SCARA5: variants seen among roughly 807,000 people sequenced by gnomAD.
SCARA5 encodes scavenger receptor class A, member 5 (putative).
Under a neutral mutation model 46.3 loss-of-function variants are expected in SCARA5, and 45 were observed. That is an observed-to-expected ratio of 0.97 (90% CI 0.76 to 1.24). The LOEUF is 1.24. Ranked by LOEUF, SCARA5 falls within the 50% of genes most tolerant of loss-of-function variation. SCARA5 has a pLI of 0.00. For synonymous variants in SCARA5, 333 were observed against 306.5 expected, an observed-to-expected ratio of 1.09 and a Z score of -0.90; for missense variants, 680 against 689.0, an observed-to-expected ratio of 0.99 and a Z score of 0.15.
intron 1 of SCARA5, among the ~76,000 whole-genome samples, chr8:27,990,423 G>A (rs994479765): frequency 6.6e-6 from 1 of 152,146 alleles, no homozygotes; most frequent in African/African-American, 2.4e-5. Context: ...CCAAGTCTGT[G>A]CTCTAGAAGA....
intron 7 of SCARA5, among the ~76,000 whole-genome samples, chr8:27,891,682 A>G (rs141909308): frequency 1.0e-3 from 158 of 152,352 alleles, no homozygotes; most frequent in African/African-American, 3.6e-3. Context: ...GATAAGCACC[A>G]GTTATCAAAC....
chr8:27,923,276 C>T (rs1159123548), intron 3 of SCARA5, among the ~76,000 whole-genome samples: 36 of 152,206 alleles, frequency 2.4e-4, no homozygotes, highest in Admixed American at 2.4e-3. Context: ...GAGTTCGGGG[C>T]CCTTTCCCTT....
intron 3 of SCARA5, among the ~76,000 whole-genome samples, chr8:27,933,890 G>A (rs1394375337): frequency 6.6e-6 from 1 of 152,104 alleles, no homozygotes; most frequent in Admixed American, 6.5e-5. Context: ...TTATGAAATA[G>A]TAAGTAGGGG....
chr8:27,959,919 G>C (rs1808268931), intron 3 of SCARA5, among the ~76,000 whole-genome samples: 3 of 152,186 alleles, frequency 2.0e-5, no homozygotes, highest in Admixed American at 6.5e-5. Flanking sequence ...TGGAAATGCT[G>C]TTCTGTTCCT....
chr8:27,965,112 T>C (rs559581432), intron 3 of SCARA5, among the ~76,000 whole-genome samples: 19 of 152,216 alleles, frequency 1.2e-4, no homozygotes, highest in African/African-American at 4.3e-4. Context: ...TGGCTGCCCC[T>C]CAGGTTGCTC....
intron 3 of SCARA5, among the ~76,000 whole-genome samples, chr8:27,939,966 A>AT (rs1446224448): frequency 6.6e-6 from 1 of 151,934 alleles, no homozygotes; most frequent in Non-Finnish European, 1.5e-5. Flanking sequence ...CCCCTCCTGT[A>AT]TTTTTCTCCA....
intron 7 of SCARA5, among the ~76,000 whole-genome samples, chr8:27,895,382 C>T (rs993261151): frequency 6.6e-6 from 1 of 152,192 alleles, no homozygotes; most frequent in Non-Finnish European, 1.5e-5. Context: ...AGGGGCCATC[C>T]CAAAAGCAAA....
At position 27,939,275 on chromosome 8, in the gene SCARA5, G is replaced by A. The variant is rs77826166; in HGVS notation, c.242-17030C>T. Among the ~76,000 whole-genome samples, 6 of 152,306 alleles carry A rather than the reference G, an allele frequency of 3.9e-5. No homozygotes were observed. In the East Asian group the frequency reaches 1.2e-3, roughly 29 times the overall value. On this transcript the variant is annotated intron_variant, in intron 3 of 8. Transcript: ENST00000354914. ...CCCTGCTCATGAATGGCTGGGCCCC[G>A]TGGTCAGGGATATTGGGACATTAAC...
At position 27,870,160 on chromosome 8, in the gene SCARA5, T is replaced by C. The variant is rs939433928; in HGVS notation, c.*1774A>G. 2.6e-5 allele frequency: 4 copies of C among 152,094 alleles called. No homozygotes were observed. Among genetic ancestry groups the C allele is most frequent in the African/African-American group, 9.7e-5 (4 of 41,436 alleles). The allele number at this position is 152,094 out of a possible 1,614,324, so 9.4% of individuals were successfully genotyped here. ...TCATGGAAGGGATAACTGGATTCTT[T>C]GCCAGAACCGGGTTGGGAATTTAGT... On this transcript the variant is annotated 3_prime_UTR_variant, in exon 9 of 9. Transcript: ENST00000354914.
chr8:27,889,428 T>C (rs1806948197), intron 7 of SCARA5, among the ~76,000 whole-genome samples: 1 of 152,198 alleles, frequency 6.6e-6, no homozygotes, highest in African/African-American at 2.4e-5. Context: ...ACTCTTTGCA[T>C]GACACGTGTG....
chr8:27,978,502 C>CTTATTTAT (rs369346257), intron 2 of SCARA5, among the ~76,000 whole-genome samples: 8 of 151,628 alleles, frequency 5.3e-5, no homozygotes, highest in Admixed American at 1.3e-4. Context: ...CATGGCTCAT[C>CTTATTTAT]TTATTTATTT....
intron 3 of SCARA5, among the ~76,000 whole-genome samples, chr8:27,942,989 A>G (rs553338414): frequency 6.6e-6 from 1 of 152,218 alleles, no homozygotes; most frequent in Non-Finnish European, 1.5e-5. Context: ...AGTAAGAAGC[A>G]TCCCTCTTCC....
At chr8:27,940,358 C>T (rs1439057368) in intron 3 of SCARA5, among the ~76,000 whole-genome samples, 2 of 152,122 alleles carry the variant, frequency 1.3e-5, no homozygotes, top group Admixed American at 6.5e-5. Context: ...CGTCACTGTT[C>T]TTTAAAAGGT....
chr8:27,986,526 G>A (rs1808707376), intron 2 of SCARA5, among the ~76,000 whole-genome samples: 1 of 152,158 alleles, frequency 6.6e-6, no homozygotes, highest in African/African-American at 2.4e-5. Context: ...TCCAGAAGAA[G>A]AGCCACCATG....
chr8:27,897,688 T>TAAG (rs35374825), intron 7 of SCARA5, among the ~76,000 whole-genome samples: 117,361 of 151,954 alleles, frequency 0.77, 48,050 homozygotes, highest in Non-Finnish European at 0.92. Context: ...GCAACACACA[T>TAAG]AAGAACAGGG....
At chr8:27,940,209 A>G (rs1019808818) in intron 3 of SCARA5, among the ~76,000 whole-genome samples, 1 of 152,204 alleles carries the variant, frequency 6.6e-6, no homozygotes, top group African/African-American at 2.4e-5. Context: ...GCCGGTCATA[A>G]AGTATTTTAA....
chr8:27,933,114 C>T (rs1563530717), intron 3 of SCARA5, among the ~76,000 whole-genome samples: 2 of 152,190 alleles, frequency 1.3e-5, no homozygotes, highest in African/African-American at 2.4e-5. Flanking sequence ...CCTTTAACAT[C>T]CCTGGTTAGC....
intron 2 of SCARA5, among the ~76,000 whole-genome samples, chr8:27,985,374 C>A (rs1441415687): frequency 6.6e-6 from 1 of 152,194 alleles, no homozygotes; most frequent in Admixed American, 6.5e-5. Flanking sequence ...GTCAGAGATT[C>A]CCTGCCAAGG....
intron 5 of SCARA5, among the ~76,000 whole-genome samples, chr8:27,908,484 G>C (rs942832504): frequency 6.6e-6 from 1 of 152,172 alleles, no homozygotes; most frequent in Non-Finnish European, 1.5e-5. Flanking sequence ...GTTCTTTCCT[G>C]CTTGGAATAT....
Sources: gnomAD v4.1 joint callset for allele counts (sites outside exome capture counted in the v4.1 genomes callset) on GRCh38, gnomAD v4.1.1 for gene constraint, MANE v1.5 for transcripts, NCBI Gene and HGNC (gene_info 2026-07-23, HGNC 2026-07-21) for gene names.